The following DPP10 variants were observed in gnomAD, a reference collection of about 807,000 sequenced individuals.
DPP10 encodes the protein dipeptidyl peptidase like 10.
A neutral mutation model predicts 120.9 loss-of-function variants in DPP10; 33 were observed. The observed-to-expected ratio is 0.27, with a 90% CI of 0.21 to 0.37. The LOEUF (loss-of-function observed/expected upper bound fraction) is 0.37, where lower values mean the gene tolerates loss of function less well. DPP10 is among the 10% of genes least tolerant of loss of function. The pLI is 1.00. For missense variants in DPP10, 816 were observed against 942.8 expected, an observed-to-expected ratio of 0.87 and a Z score of 1.76; for synonymous variants, 337 against 326.1, an observed-to-expected ratio of 1.03 and a Z score of -0.36.
rs2061792981 is a variant in DPP10, at chr2:115,316,340, T to TAATGTA, written c.175+6988_175+6989insATGTAA. Among the ~76,000 whole-genome samples the TAATGTA allele has an allele frequency of 2.6e-5, 4 of 152,332 alleles. No homozygotes were observed. In the East Asian group the frequency reaches 7.7e-4, roughly 29 times the overall value. On this transcript the variant is annotated intron_variant, in intron 2 of 25. Transcript: ENST00000410059. ...AATCCTTGTAATATAAGTTAAGACA[T>TAATGTA]ATTCTTGTGCCCATGGATGATAGGG...
intron 1 of DPP10, among the ~76,000 whole-genome samples, chr2:114,788,580 T>C (rs2106226173): frequency 6.6e-6 from 1 of 152,194 alleles, no homozygotes; most frequent in African/African-American, 2.4e-5. Flanking sequence ...CACGCCCGGC[T>C]AATTTTTTTT....
At chr2:115,245,941 G>C (rs1434105656) in intron 1 of DPP10, among the ~76,000 whole-genome samples, 1 of 151,948 alleles carries the variant, frequency 6.6e-6, no homozygotes, top group African/African-American at 2.4e-5. Flanking sequence ...TTTTTAAATT[G>C]ACTTTTGAGC....
intron 1 of DPP10, among the ~76,000 whole-genome samples, chr2:115,268,570 G>C (rs959204906): frequency 1.3e-5 from 2 of 152,176 alleles, no homozygotes; most frequent in Admixed American, 1.3e-4. Context: ...CTGTAGGGCT[G>C]TAGACTTTGG....
chr2:114,530,122 A>G (rs942712060), intron 1 of DPP10, among the ~76,000 whole-genome samples: 2 of 152,124 alleles, frequency 1.3e-5, no homozygotes, highest in Non-Finnish European at 2.9e-5. Flanking sequence ...GTTTGATTCT[A>G]TAGTTAATAT....
At chr2:115,767,238 G>A (rs1340673680) in intron 12 of DPP10, among the ~76,000 whole-genome samples, 1 of 152,050 alleles carries the variant, frequency 6.6e-6, no homozygotes. Context: ...AGTGAAGAAA[G>A]CAAGAGAATG....
chr2:115,242,032 G>T (rs2058307548), intron 1 of DPP10, among the ~76,000 whole-genome samples: 1 of 152,036 alleles, frequency 6.6e-6, no homozygotes, highest in African/African-American at 2.4e-5. Flanking sequence ...AGGTTTTTGG[G>T]GGCAGGTAGT....
rs34821521 is a variant in DPP10 at position 114,993,364 on chromosome 2, CTT to C, written c.61-315864_61-315863del. 8.2e-3 allele frequency among the ~76,000 whole-genome samples: 1,213 copies of C among 147,516 alleles called. 7 individuals carry two copies. Among genetic ancestry groups the C allele is most frequent in the African/African-American group, 0.02 (818 of 40,424 alleles). On this transcript the variant is annotated intron_variant, in intron 1 of 25. Transcript: ENST00000410059. ...GGTACTTGGCACAGGGTGAATAATA[CTT>C]TTTTTTTTTTCCACACAGATGAATG...
chr2:115,015,430 A>G (rs1467906512), intron 1 of DPP10, among the ~76,000 whole-genome samples: 3 of 152,172 alleles, frequency 2.0e-5, no homozygotes, highest in Non-Finnish European at 4.4e-5. Context: ...ATTCCCTTTG[A>G]AAACCAACAC....
intron 1 of DPP10, among the ~76,000 whole-genome samples, chr2:115,129,262 G>T (rs1181291882): frequency 3.9e-5 from 6 of 152,138 alleles, no homozygotes; most frequent in Non-Finnish European, 8.8e-5. Flanking sequence ...TTTTATAGAT[G>T]AATGTAGGGA....
chr2:115,293,453 T>G (rs2060747179), intron 1 of DPP10, among the ~76,000 whole-genome samples: 1 of 152,124 alleles, frequency 6.6e-6, no homozygotes, highest in African/African-American at 2.4e-5. Context: ...TATAGATGTA[T>G]TCAGTTAACC....
At chr2:115,514,307 G>C (rs1222899716) in intron 4 of DPP10, among the ~76,000 whole-genome samples, 1 of 151,532 alleles carries the variant, frequency 6.6e-6, no homozygotes, top group African/African-American at 2.4e-5. Flanking sequence ...TATATATTAT[G>C]TTTTATCAAA....
intron 1 of DPP10, among the ~76,000 whole-genome samples, chr2:115,159,089 A>T (rs919798918): frequency 6.6e-6 from 1 of 152,178 alleles, no homozygotes; most frequent in East Asian, 1.9e-4. Flanking sequence ...TAACATCAAC[A>T]TATCATCACA....
intron 5 of DPP10, among the ~76,000 whole-genome samples, chr2:115,582,603 A>G (rs1161510142): frequency 2.6e-5 from 4 of 152,234 alleles, no homozygotes; most frequent in Non-Finnish European, 5.9e-5. Context: ...TAACAGAGGT[A>G]TTCAGTTCCG....
At chr2:114,890,511 C>A (rs187031039) in intron 1 of DPP10, among the ~76,000 whole-genome samples, 1 of 152,226 alleles carries the variant, frequency 6.6e-6, no homozygotes, top group Non-Finnish European at 1.5e-5. Flanking sequence ...TGCATTGGAT[C>A]CACAAATGCA....
intron 7 of DPP10, among the ~76,000 whole-genome samples, chr2:115,723,866 A>C (rs932496122): frequency 1.3e-5 from 2 of 152,196 alleles, no homozygotes; most frequent in African/African-American, 4.8e-5. Context: ...TGCAAATACT[A>C]TCCCAACTCC....
intron 1 of DPP10, among the ~76,000 whole-genome samples, chr2:114,640,247 C>T (rs1021693335): frequency 1.3e-5 from 2 of 151,862 alleles, no homozygotes; most frequent in Admixed American, 6.5e-5. Context: ...CTTGCTGAAG[C>T]GTGCTTGGCT....
At chr2:115,399,040 T>C (rs767490263) in intron 3 of DPP10, among the ~76,000 whole-genome samples, 1 of 152,140 alleles carries the variant, frequency 6.6e-6, no homozygotes, top group Non-Finnish European at 1.5e-5. Context: ...GTATCGTTGA[T>C]TATGCATAAA....
intron 1 of DPP10, among the ~76,000 whole-genome samples, chr2:115,088,165 C>G (rs919177235): frequency 6.6e-6 from 1 of 152,106 alleles, no homozygotes; most frequent in Non-Finnish European, 1.5e-5. Context: ...ATGAGGGCTC[C>G]ACTCTCATGA....
chr2:115,468,393 G>A lies in DPP10; in HGVS notation c.272-31117G>A, dbSNP rs1365995990. On this transcript the variant is annotated intron_variant, in intron 3 of 25. Transcript: ENST00000410059. ...GATGTTCACTAACCAGATCCTGGCA[G>A]CCTTTCAGGAGCCACAGCTTCTAGT... The A allele has an allele frequency of 2.2e-5, 11 of 497,268 alleles. No homozygotes were observed. The Admixed American group carries it at 2.3e-4, about 10-fold the overall frequency. 30.8% of individuals were successfully genotyped at this position (497,268 alleles called of 1,614,324 possible).
Sources: gnomAD v4.1 joint callset for allele counts (sites outside exome capture counted in the v4.1 genomes callset) on GRCh38, gnomAD v4.1.1 for gene constraint, MANE v1.5 for transcripts, NCBI Gene and HGNC (gene_info 2026-07-23, HGNC 2026-07-21) for gene names.